Variants in TRIO observed in about 807,000 individuals in gnomAD.
TRIO encodes triple functional domain protein.
TRIO carries 58 observed loss-of-function variants against 351.9 expected under a neutral mutation model. That is an observed-to-expected ratio of 0.16 (90% CI 0.13 to 0.21). TRIO has a LOEUF of 0.21. Among genes scored for constraint, TRIO ranks in the 10% least tolerant of loss-of-function variants. The pLI is 1.00. For synonymous variants in TRIO, 1,758 were observed against 1,595.7 expected (o/e 1.10, Z -2.42); for missense variants, 3,201 against 4,027.8 (o/e 0.79, Z 5.56).
intron 1 of TRIO, among the ~76,000 whole-genome samples, chr5:14,267,248 T>C (rs906968269): frequency 9.2e-5 from 14 of 152,258 alleles, no homozygotes; most frequent in African/African-American, 3.4e-4. Context: ...CTTCCACCTA[T>C]TTAAGTAGCA....
intron 18 of TRIO, 127 bp from the exon 19 acceptor site, chr5:14,374,102 T>G: frequency 3.2e-6 from 2 of 622,862 alleles, no homozygotes; most frequent in Middle Eastern, 5.2e-4. Context: ...CTATGCATTT[T>G]CTAAACCAGC....
chr5:14,478,936 G>A (rs1476724787), intron 41 of TRIO, among the ~76,000 whole-genome samples: 1 of 152,152 alleles, frequency 6.6e-6, no homozygotes, highest in East Asian at 1.9e-4. Context: ...CCTCCTGCCT[G>A]GGCAACAGAG....
At chr5:14,356,820 A>G (rs1430479894) in intron 11 of TRIO, among the ~76,000 whole-genome samples, 1 of 152,182 alleles carries the variant, frequency 6.6e-6, no homozygotes, top group Non-Finnish European at 1.5e-5. Context: ...ACACAGTAGT[A>G]TGGATAAATC....
chr5:14,425,135 A>G (rs1379220869), intron 34 of TRIO, among the ~76,000 whole-genome samples: 2 of 152,182 alleles, frequency 1.3e-5, no homozygotes, highest in Non-Finnish European at 2.9e-5. Context: ...GTACCTTCAC[A>G]TTGTTATGCA....
At chr5:14,310,463 A>G (rs1738820452) in intron 8 of TRIO, among the ~76,000 whole-genome samples, 1 of 152,218 alleles carries the variant, frequency 6.6e-6, no homozygotes, top group African/African-American at 2.4e-5. Context: ...GTGCCAACTT[A>G]GTGTGTGCCT....
At chr5:14,479,499 T>C in intron 42 of TRIO, 149 bp downstream of exon 42, 2 of 673,330 alleles carry the variant, frequency 3.0e-6, no homozygotes, top group South Asian at 2.1e-5. Context: ...CTTTCTTTCC[T>C]GTAAATCAGA....
chr5:14,380,659 G>A (rs1288566465), intron 20 of TRIO, among the ~76,000 whole-genome samples: 1 of 152,056 alleles, frequency 6.6e-6, no homozygotes, highest in East Asian at 1.9e-4. Flanking sequence ...ACGACAGTAT[G>A]GCAGTTCCTC....
intron 18 of TRIO, among the ~76,000 whole-genome samples, chr5:14,369,727 C>G (rs1449757090): frequency 6.6e-6 from 1 of 152,208 alleles, no homozygotes; most frequent in Non-Finnish European, 1.5e-5. Flanking sequence ...CCTTGTCTTT[C>G]TAGTTTTCAC....
intron 1 of TRIO, among the ~76,000 whole-genome samples, chr5:14,181,695 G>A (rs898031852): frequency 3.9e-5 from 6 of 152,216 alleles, no homozygotes; most frequent in African/African-American, 1.4e-4. Context: ...GCTGCCCCCT[G>A]CTTGACTTAG....
intron 33 of TRIO, among the ~76,000 whole-genome samples, chr5:14,416,078 G>T (rs916908821): frequency 6.6e-6 from 1 of 151,114 alleles, no homozygotes; most frequent in African/African-American, 2.4e-5. Context: ...ACAAAATATG[G>T]TTAGAAAGAA....
chr5:14,505,048 G>A (rs1757566041), intron 55 of TRIO, among the ~76,000 whole-genome samples: 1 of 152,236 alleles, frequency 6.6e-6, no homozygotes. Context: ...AGGGTAAGAC[G>A]CACCTCCCCG....
intron 1 of TRIO, among the ~76,000 whole-genome samples, chr5:14,164,115 C>T (rs190557950): frequency 1.9e-4 from 29 of 152,280 alleles, no homozygotes; most frequent in Non-Finnish European, 3.2e-4. Context: ...GTGAGCCTGA[C>T]CCTGTTGGAT....
At chr5:14,381,854 C>T (rs80045720) in intron 21 of TRIO, among the ~76,000 whole-genome samples, 1,925 of 152,320 alleles carry the variant, frequency 0.013, 48 homozygotes, top group African/African-American at 0.044. Flanking sequence ...ATCTTTATGG[C>T]ATATGCCATA....
rs1754469603 is a variant in TRIO, at chr5:14,468,828, TAC to T, written c.5764-2486_5764-2485del. ...GAGAGGAGAGAAGATGTTCAGCAGT[TAC>T]ACAGTATGATGTTTAAGGAACTGAA... is the stretch of plus-strand genomic sequence containing the variant. On this transcript the variant is annotated intron_variant, in intron 37 of 56. Transcript: ENST00000344204. Among the ~76,000 whole-genome samples the T allele has an allele frequency of 2.0e-5, 3 of 152,206 alleles. No homozygotes were observed. The South Asian group carries it at 6.2e-4, about 32-fold the overall frequency.
chr5:14,316,554 GCCCTTGACT>G lies in TRIO; in HGVS notation c.1546_1554del (p.Leu516_Pro518del). 1 of 1,614,192 alleles carries G rather than the reference GCCCTTGACT, an allele frequency of 6.2e-7. No homozygotes were observed. Among genetic ancestry groups the G allele is most frequent in the East Asian group, 2.2e-5 (1 of 44,882 alleles). ...AGTCGCTCCTTGACAAGCTCCAGCG[GCCCTTGACT>G]CCCGGCAGCTCCGATTCCCTGACAG... On this transcript the variant is annotated inframe_deletion, in exon 9 of 57. Transcript: ENST00000344204.
chr5:14,365,743 A>C (rs563619797), intron 15 of TRIO, among the ~76,000 whole-genome samples: 4 of 152,362 alleles, frequency 2.6e-5, no homozygotes, highest in Non-Finnish European at 4.4e-5. Context: ...ACAAGTCAGA[A>C]TGTAGAAGAA....
At chr5:14,488,330 C>T (rs1395343941) in intron 48 of TRIO, 70 bp downstream of exon 48, 5 of 1,496,212 alleles carry the variant, frequency 3.3e-6, no homozygotes, top group African/African-American at 2.8e-5. Flanking sequence ...AACGCCACCG[C>T]GGCTGTTCTC....
At chr5:14,419,481 TC>T (rs1243128065) in intron 33 of TRIO, among the ~76,000 whole-genome samples, 1 of 152,082 alleles carries the variant, frequency 6.6e-6, no homozygotes, top group Non-Finnish European at 1.5e-5. Context: ...TTCATGATAA[TC>T]CCCCAGATAG....
chr5:14,350,553 C>A (rs1347803484), intron 11 of TRIO, among the ~76,000 whole-genome samples: 1 of 152,182 alleles, frequency 6.6e-6, no homozygotes, highest in Non-Finnish European at 1.5e-5. Flanking sequence ...GCCACATCCC[C>A]TGTGCCTTAT....
Sources: allele counts gnomAD v4.1 joint callset (sites outside exome capture counted in the v4.1 genomes callset), GRCh38; gene constraint gnomAD v4.1.1; transcripts MANE v1.5; gene names NCBI Gene and HGNC (gene_info 2026-07-23, HGNC 2026-07-21).